The following ST7 variants were observed in gnomAD, a reference collection of about 807,000 sequenced individuals.
The protein encoded by ST7 is suppression of tumorigenicity 7.
In ST7, 28 loss-of-function variants were observed where a neutral mutation model predicts 78.7. That is an observed-to-expected ratio of 0.36 (90% CI 0.26 to 0.49). The LOEUF (loss-of-function observed/expected upper bound fraction) is 0.49, where lower values mean the gene tolerates loss of function less well. Among genes scored for constraint, ST7 ranks in the 20% least tolerant of loss-of-function variants. The pLI, the probability that ST7 is intolerant of heterozygous loss-of-function variation, is 0.99. For synonymous variants in ST7, 247 were observed against 249.6 expected (o/e 0.99, Z 0.10); for missense variants, 418 against 696.0 (o/e 0.60, Z 4.49).
intron 15 of ST7, among the ~76,000 whole-genome samples, chr7:117,224,801 T>A (rs1040293604): frequency 6.6e-6 from 1 of 152,196 alleles, no homozygotes; most frequent in African/African-American, 2.4e-5. Flanking sequence ...TTCTCCCGTC[T>A]CCTTCCAGGG....
chr7:117,121,659 A>G (rs2188693), intron 3 of ST7, among the ~76,000 whole-genome samples: 26,318 of 152,030 alleles, frequency 0.17, 2,916 homozygotes, highest in South Asian at 0.28. Context: ...TTAGGTCAGG[A>G]TCTCCTCCTT....
rs778924909 is a variant in ST7, at chr7:117,119,583, G to C, written c.257G>C (p.Arg86Pro). ...TAGATATTTGAATGGTGGTATTTTC[G>C]CAAATACGGAACTTCATTCATTGAA... ...LILIFEWWYF[R>P]KYGTSFIEQV... The change falls in exon 3 of 16, where the codon CGC becomes CCC. Residue 86 changes from arginine (R) to proline (P), a missense_variant. By Grantham distance (103) the Arg-to-Pro change is moderately radical (BLOSUM62 -2). This residue lies in a region of ST7 where 23 missense variants were observed against 67.7 expected (regional missense o/e 0.34). Transcript: ENST00000323984. 1 of 1,611,578 alleles carries C rather than the reference G, an allele frequency of 6.2e-7. No homozygotes were observed. The highest frequency in any genetic ancestry group is 8.5e-7 in the Non-Finnish European group (1 of 1,179,598).
At chr7:117,083,549 G>A (rs182154529) in intron 1 of ST7, among the ~76,000 whole-genome samples, 104 of 152,124 alleles carry the variant, frequency 6.8e-4, no homozygotes, top group Non-Finnish European at 8.2e-4. Context: ...ATGAGCCACC[G>A]TGCCTGGCCA....
At chr7:117,099,719 A>C (rs1428774149) in intron 1 of ST7, 43 bp from the exon 2 acceptor site, 11 of 1,452,196 alleles carry the variant, frequency 7.6e-6, no homozygotes, top group Non-Finnish European at 1.1e-5. Context: ...ACATACTCAT[A>C]CATTCCTTGT....
chr7:117,033,646 A>G (rs1398774329), intron 1 of ST7, among the ~76,000 whole-genome samples: 1 of 152,098 alleles, frequency 6.6e-6, no homozygotes, highest in Non-Finnish European at 1.5e-5. Context: ...CTGGTCTCGA[A>G]CCTTTGACCT....
chr7:117,187,496 T>A (rs1239326419), intron 10 of ST7: 2 of 152,206 alleles, frequency 1.3e-5, no homozygotes, highest in African/African-American at 4.8e-5. Flanking sequence ...GAATGTCCTG[T>A]CTATGCTAGT....
At chr7:117,039,580 C>CCAA (rs1797098236) in intron 1 of ST7, among the ~76,000 whole-genome samples, 1 of 81,566 alleles carries the variant, frequency 1.2e-5, no homozygotes, top group East Asian at 3.5e-4. Context: ...TCTGTAAAAG[C>CCAA]AAAAAAAAAA....
intron 9 of ST7, among the ~76,000 whole-genome samples, chr7:117,160,242 A>AG (rs2117206933): frequency 6.7e-6 from 1 of 149,802 alleles, no homozygotes; most frequent in African/African-American, 2.5e-5. Context: ...CAAAAAAAAA[A>AG]AAAAGAAAGA....
intron 10 of ST7, among the ~76,000 whole-genome samples, chr7:117,188,493 T>G (rs962654988): frequency 5.3e-5 from 8 of 152,234 alleles, no homozygotes; most frequent in African/African-American, 1.9e-4. Flanking sequence ...GAACACATTT[T>G]TCACCCAAAG....
At chr7:117,193,117 T>C (rs1809948446) in intron 12 of ST7, among the ~76,000 whole-genome samples, 1 of 151,692 alleles carries the variant, frequency 6.6e-6, no homozygotes, top group South Asian at 2.1e-4. Context: ...ATATACAGTA[T>C]GCAGTGTGCT....
intron 1 of ST7, among the ~76,000 whole-genome samples, chr7:117,012,283 A>AT (rs201580835): frequency 0.13 from 18,168 of 142,300 alleles, 1,292 homozygotes; most frequent in East Asian, 0.3. Context: ...GTTTTTTGAA[A>AT]TTTTTTTTTT....
chr7:117,071,902 A>T lies in ST7; in HGVS notation c.152-27860A>T, dbSNP rs537557507. On this transcript the variant is annotated intron_variant, in intron 1 of 15. Coordinates refer to ENST00000323984, the MANE Select transcript of ST7 (RefSeq NM_001369598.1). ...AAACCAGAAACTCTTCTGATTACCTATGGCTGTGGATATTATTGGTCATTA... is the reference window on the plus strand; with the variant it reads ...AAACCAGAAACTCTTCTGATTACCTTTGGCTGTGGATATTATTGGTCATTA... Among the ~76,000 whole-genome samples the T allele has an allele frequency of 2.6e-5, 4 of 152,318 alleles. No homozygotes were observed. The East Asian group carries it at 7.7e-4, about 29-fold the overall frequency.
At chr7:117,222,255 A>G (rs2116183574) in intron 15 of ST7, among the ~76,000 whole-genome samples, 193 bp downstream of exon 15, 1 of 152,360 alleles carries the variant, frequency 6.6e-6, no homozygotes, top group East Asian at 1.9e-4. Flanking sequence ...GCAGGTTGTT[A>G]CTGCATGCCT....
At chr7:116,999,201 C>T (rs1181113493) in intron 1 of ST7, among the ~76,000 whole-genome samples, 1 of 151,942 alleles carries the variant, frequency 6.6e-6, no homozygotes, top group African/African-American at 2.4e-5. Context: ...AGTAGGCCTC[C>T]TAATAAGCTT....
intron 1 of ST7, among the ~76,000 whole-genome samples, chr7:117,007,535 C>G (rs1183125766): frequency 6.6e-6 from 1 of 152,190 alleles, no homozygotes; most frequent in East Asian, 1.9e-4. Flanking sequence ...AATGTAGAAG[C>G]TGCAGCAAAT....
intron 12 of ST7, among the ~76,000 whole-genome samples, chr7:117,196,573 G>A (rs879266522): frequency 2.9e-5 from 4 of 136,660 alleles, no homozygotes; most frequent in Admixed American, 7.3e-5. Flanking sequence ...TTGGAGAAAT[G>A]TCTATTTGAG....
chr7:117,014,541 CAAAT>C (rs772267742), intron 1 of ST7, among the ~76,000 whole-genome samples: 18 of 152,146 alleles, frequency 1.2e-4, no homozygotes, highest in Non-Finnish European at 2.2e-4. Context: ...TATGTACTAT[CAAAT>C]GAATGAATGT....
intron 1 of ST7, among the ~76,000 whole-genome samples, chr7:116,985,262 A>G (rs1794142703): frequency 6.6e-6 from 1 of 152,210 alleles, no homozygotes; most frequent in South Asian, 2.1e-4. Flanking sequence ...AAAAATGATG[A>G]GATGGGAAGA....
chr7:116,967,647 T>C (rs981732667), intron 1 of ST7, among the ~76,000 whole-genome samples: 1 of 152,270 alleles, frequency 6.6e-6, no homozygotes. Context: ...TTACCTTGTT[T>C]ATAACTGAGC....
Sources: allele counts gnomAD v4.1 joint callset (sites outside exome capture counted in the v4.1 genomes callset), GRCh38; gene constraint gnomAD v4.1.1; regional missense constraint gnomAD v4.1.1; transcripts MANE v1.5; gene names NCBI Gene and HGNC (gene_info 2026-07-23, HGNC 2026-07-21).